Variants in PDGFRA observed in about 807,000 individuals in gnomAD.
PDGFRA encodes the protein platelet derived growth factor receptor alpha.
A neutral mutation model predicts 121.5 loss-of-function variants in PDGFRA; 25 were observed. The ratio of observed to expected loss-of-function variants is 0.21; its 90% CI spans 0.15 to 0.29. The LOEUF is 0.29. PDGFRA is among the 10% of genes least tolerant of loss of function. The pLI, the probability that PDGFRA is intolerant of heterozygous loss-of-function variation, is 1.00. For missense variants in PDGFRA, 1,008 were observed against 1,345.1 expected (o/e 0.75, Z 3.92); for synonymous variants, 463 against 494.8 (o/e 0.94, Z 0.85).
At chr4:54,237,744 G>A (rs1457576663) in intron 1 of PDGFRA, among the ~76,000 whole-genome samples, 2 of 152,226 alleles carry the variant, frequency 1.3e-5, no homozygotes, top group Non-Finnish European at 2.9e-5. Flanking sequence ...TGGGTTCACA[G>A]CACTGTAATT....
intron 2 of PDGFRA, 84 bp downstream of exon 2, chr4:54,258,901 C>T: frequency 9.7e-7 from 1 of 1,034,704 alleles, no homozygotes; most frequent in Non-Finnish European, 1.5e-6. Flanking sequence ...ATTACCAGTA[C>T]TCTGCATACA....
intron 10 of PDGFRA, among the ~76,000 whole-genome samples, chr4:54,274,294 T>C (rs189372237): frequency 1.3e-5 from 2 of 152,230 alleles, no homozygotes; most frequent in African/African-American, 4.8e-5. Context: ...GAGAAAATAC[T>C]GAGTTCTCCT....
At chr4:54,274,485 G>A (rs2110295658) in intron 10 of PDGFRA, 46 bp from the exon 11 acceptor site, 1 of 1,372,386 alleles carries the variant, frequency 7.3e-7, no homozygotes, top group Non-Finnish European at 1.0e-6. Flanking sequence ...CCCTGTGCAT[G>A]TCTGCCAGGA....
At chr4:54,229,610 A>G (rs1399495098) in intron 1 of PDGFRA, among the ~76,000 whole-genome samples, 195 bp downstream of exon 1, 2 of 151,884 alleles carry the variant, frequency 1.3e-5, no homozygotes, top group Admixed American at 6.6e-5. Context: ...GGAGATAACC[A>G]TAGAGTTAGA....
chr4:54,284,402 CTGAG>C (rs1272925908), intron 16 of PDGFRA, among the ~76,000 whole-genome samples: 1 of 152,054 alleles, frequency 6.6e-6, no homozygotes, highest in Non-Finnish European at 1.5e-5. Context: ...ATACCTGAGA[CTGAG>C]TAATTTATAA....
At chr4:54,272,291 T>A (rs909064159) in intron 8 of PDGFRA, 103 bp from the exon 9 acceptor site, 1 of 1,301,412 alleles carries the variant, frequency 7.7e-7, no homozygotes, top group African/African-American at 1.5e-5. Context: ...CCGGAGTGTT[T>A]TGAATGCCAT....
intron 1 of PDGFRA, among the ~76,000 whole-genome samples, 162 bp from the exon 2 acceptor site, chr4:54,258,595 C>T (rs1047844316): frequency 6.6e-6 from 1 of 152,172 alleles, no homozygotes; most frequent in African/African-American, 2.4e-5. Context: ...ATTCTTTCAT[C>T]TTTCAGGCGT....
chr4:54,272,548 T>TA (rs374272268), intron 9 of PDGFRA, 28 bp downstream of exon 9: 2 of 1,609,700 alleles, frequency 1.2e-6, no homozygotes, highest in African/African-American at 2.7e-5. Flanking sequence ...GTCTTCTTCT[T>TA]TCGTGGTCAG....
intron 11 of PDGFRA, 83 bp downstream of exon 11, chr4:54,274,708 AAGG>A: frequency 7.0e-7 from 1 of 1,426,514 alleles, no homozygotes; most frequent in Non-Finnish European, 9.9e-7. Context: ...TGGCACAGAG[AAGG>A]AGCTCAGCAA....
intron 7 of PDGFRA, among the ~76,000 whole-genome samples, chr4:54,268,335 A>C (rs1270332050): frequency 3.3e-5 from 5 of 152,168 alleles, no homozygotes; most frequent in African/African-American, 1.2e-4. Context: ...CCCCTCAGCC[A>C]CAGTTTCCTC....
chr4:54,263,612 T>C (rs1722867053), intron 3 of PDGFRA, 55 bp from the exon 4 acceptor site: 1 of 1,552,998 alleles, frequency 6.4e-7, no homozygotes, highest in Non-Finnish European at 8.9e-7. Flanking sequence ...TCTGGATTTA[T>C]GTGTAAAGGT....
Position 54,278,507 on chromosome 4 carries a change from C to A in PDGFRA, c.2148C>A (p.Ser716Arg), listed in dbSNP as rs778408083. 4 of 1,613,998 alleles carry A rather than the reference C, an allele frequency of 2.5e-6. No homozygotes were observed. The East Asian group carries it at 6.7e-5, about 27-fold the overall frequency. ...TTGGATTGAACCCTGCTGATGAAAG[C>A]ACACGGAGGTGGGTGCAAAGAGAGA... The part of the protein sequence containing the change: ...DIFGLNPADE[S>R]TRSYVILSFE... The change falls in exon 15 of 23, where the codon AGC (serine) becomes AGA (arginine). Residue 716 changes from serine (S) to arginine (R), a missense_variant. Ser to Arg is a moderately radical substitution (Grantham distance 110). This residue lies in a region of PDGFRA where 128 missense variants were observed against 147.6 expected (regional missense o/e 0.87). Transcript: ENST00000257290.
chr4:54,237,918 G>A (rs1318798997), intron 1 of PDGFRA, among the ~76,000 whole-genome samples: 3 of 152,172 alleles, frequency 2.0e-5, no homozygotes, highest in Non-Finnish European at 2.9e-5. Context: ...AGGGCATGGC[G>A]TTTGTATCAC....
chr4:54,258,186 T>C (rs1722478869), intron 1 of PDGFRA, among the ~76,000 whole-genome samples: 1 of 152,126 alleles, frequency 6.6e-6, no homozygotes, highest in East Asian at 1.9e-4. Flanking sequence ...TTAGCCTGGC[T>C]TGGGATCCAG....
At chr4:54,277,360 G>C (rs1723794086) in intron 12 of PDGFRA, 28 bp from the exon 13 acceptor site, 1 of 1,523,426 alleles carries the variant, frequency 6.6e-7, no homozygotes. Context: ...TGGAGTTTTT[G>C]GGTGTTAATG....
chr4:54,293,906 C>T (rs370368554), intron 22 of PDGFRA, among the ~76,000 whole-genome samples: 5 of 33,120 alleles, frequency 1.5e-4, no homozygotes, highest in Non-Finnish European at 3.1e-4. Flanking sequence ...GTCCAAGTTG[C>T]TTGTGTGTGT....
Position 54,287,546 on chromosome 4 carries a change from G to T in PDGFRA, c.2674+5G>T, listed in dbSNP as rs1553906278. On this transcript the variant is annotated splice_donor_5th_base_variant and intron_variant, in intron 19 of 22. Coordinates refer to ENST00000257290, the MANE Select transcript of PDGFRA (RefSeq NM_006206.6). ...TCTGGGAGATCTTTTCCCTTGGTAT[G>T]GGCCTGACATTGCTGCTTATTTGGG... 1 of 1,110,180 alleles carries T rather than the reference G, an allele frequency of 9.0e-7. No homozygotes were observed. Among genetic ancestry groups the T allele is most frequent in the Non-Finnish European group, 1.4e-6 (1 of 719,212 alleles). The allele number at this position is 1,110,180 out of a possible 1,614,324, so 68.8% of individuals were successfully genotyped here.
intron 16 of PDGFRA, chr4:54,280,760 TA>T (rs907904289): frequency 6.7e-5 from 14 of 208,680 alleles, no homozygotes; most frequent in African/African-American, 9.2e-5. Flanking sequence ...AAACATTTTT[TA>T]AAAAAAATAA....
At chr4:54,292,166 G>A (rs911150102) in intron 22 of PDGFRA, among the ~76,000 whole-genome samples, 1 of 152,138 alleles carries the variant, frequency 6.6e-6, no homozygotes. Flanking sequence ...TCCCATTACT[G>A]AGTATATACC....
Sources: allele counts gnomAD v4.1 joint callset (sites outside exome capture counted in the v4.1 genomes callset), GRCh38; gene constraint gnomAD v4.1.1; regional missense constraint gnomAD v4.1.1; transcripts MANE v1.5; gene names NCBI Gene and HGNC (gene_info 2026-07-23, HGNC 2026-07-21).